Variants in MYOM1 observed in about 807,000 individuals in gnomAD.
MYOM1 encodes the protein myomesin 1, also known as myomesin-1.
Under a neutral mutation model 205.3 loss-of-function variants are expected in MYOM1, and 164 were observed. The ratio of observed to expected loss-of-function variants is 0.80; its 90% CI spans 0.70 to 0.91. The LOEUF (loss-of-function observed/expected upper bound fraction) is 0.91. Among genes scored for constraint, MYOM1 ranks in the 40% least tolerant of loss-of-function variants. The pLI, the probability that MYOM1 is intolerant of heterozygous loss-of-function variation, is 0.00. For synonymous variants in MYOM1, 772 were observed against 789.4 expected (o/e 0.98, Z 0.37); for missense variants, 2,011 against 2,127.3 (o/e 0.95, Z 1.08).
At chr18:3,073,751 G>C (rs926644327) in intron 36 of MYOM1, among the ~76,000 whole-genome samples, 7 of 152,204 alleles carry the variant, frequency 4.6e-5, no homozygotes, top group Non-Finnish European at 7.3e-5. Context: ...TGGGGGAATG[G>C]GGGGATCCAC....
intron 34 of MYOM1, among the ~76,000 whole-genome samples, chr18:3,076,461 C>T (rs537616627): frequency 1.6e-4 from 24 of 152,236 alleles, no homozygotes; most frequent in South Asian, 1.4e-3. Context: ...ATTAAATTAT[C>T]CCAGACATCA....
At chr18:3,160,390 G>A (rs1456826215) in intron 10 of MYOM1, among the ~76,000 whole-genome samples, 3 of 151,858 alleles carry the variant, frequency 2.0e-5, no homozygotes, top group African/African-American at 7.3e-5. Context: ...CTTGCTATGT[G>A]GCCCAGGCTG....
chr18:3,101,989 ATTTTTTT>A (rs35882298), intron 23 of MYOM1, among the ~76,000 whole-genome samples: 1 of 55,830 alleles, frequency 1.8e-5, no homozygotes, highest in African/African-American at 8.4e-5. Flanking sequence ...TCAGTCTGGG[ATTTTTTT>A]TTTTTTTTTT....
Position 3,135,856 on chromosome 18 carries a change from G to C in MYOM1, c.2026-126C>G. 9.9e-7 allele frequency: 1 copy of C among 1,014,006 alleles called. No individual in the cohort carries two copies. Among genetic ancestry groups the C allele is most frequent in the Non-Finnish European group, 1.4e-6 (1 of 697,768 alleles). The allele number at this position is 1,014,006 out of a possible 1,614,324, so 62.8% of individuals were successfully genotyped here. A position where few individuals can be genotyped will look rare whatever the true frequency, so the allele number is the denominator to read the frequency against. On this transcript the variant is annotated intron_variant, in intron 14 of 37. Coordinates refer to ENST00000356443, the MANE Select transcript of MYOM1 (RefSeq NM_003803.4). This position sits in a 1 kb window ranked among gnomAD's most constrained non-coding sequence, Gnocchi z 4.1. ...CTGTAATGCAAGCTGGACTGGAGGA[G>C]AGATGAGGAGGAAATAGGGGATGAG...
chr18:3,236,145 G>T, the MYOM1 span, among the ~76,000 whole-genome samples: 1 of 151,424 alleles, frequency 6.6e-6, no homozygotes, highest in African/African-American at 2.4e-5. Context: ...GCATAGTCAC[G>T]TAAGTAGAGG....
Position 3,151,867 on chromosome 18 carries a change from G to A in MYOM1, c.1670C>T (p.Ser557Leu), listed in dbSNP as rs138551719. Residue 557 changes from serine to leucine, a missense_variant, in exon 12 of 38, where the codon TCG becomes TTG. Coordinates refer to ENST00000356443, the MANE Select transcript of MYOM1 (RefSeq NM_003803.4). Reference sequence around the variant, plus strand: ...CTTCACAGGTGTGTCATTGCACTGCGACCAGCTATCTGTGCCCACCTCACA... The same window carrying A: ...CTTCACAGGTGTGTCATTGCACTGCAACCAGCTATCTGTGCCCACCTCACA... ...DKCEVGTDSW[S>L]QCNDTPVKFA... 51 of 1,612,826 alleles carry A rather than the reference G, an allele frequency of 3.2e-5. No individual in the cohort carries two copies. In the East Asian group the frequency reaches 9.4e-4, roughly 30 times the overall value.
chr18:3,151,980 T>C, intron 11 of MYOM1, 87 bp from the exon 12 acceptor site: 22 of 1,337,368 alleles, frequency 1.6e-5, no homozygotes, highest in Non-Finnish European at 2.2e-5. Flanking sequence ...CCCAGTTGTT[T>C]CAGATCTTCT....
At chr18:3,160,139 C>T (rs1408119098) in intron 10 of MYOM1, among the ~76,000 whole-genome samples, 1 of 150,254 alleles carries the variant, frequency 6.7e-6, no homozygotes, top group Non-Finnish European at 1.5e-5. Context: ...CCTCCTCCTT[C>T]CTTTCCCTTC....
intron 17 of MYOM1, 134 bp downstream of exon 17, chr18:3,131,239 CAG>C: frequency 1.0e-6 from 1 of 960,342 alleles, no homozygotes; most frequent in Non-Finnish European, 1.5e-6. Flanking sequence ...CACCTAGAGT[CAG>C]AGAAAATGAT....
At chr18:3,166,399 T>A (rs1253463424) in intron 9 of MYOM1, among the ~76,000 whole-genome samples, 2 of 151,760 alleles carry the variant, frequency 1.3e-5, no homozygotes, top group Non-Finnish European at 2.9e-5. Context: ...GCCTCCTGAG[T>A]AGCTGGGATT....
chr18:3,123,385 TA>T (rs1490269599), intron 19 of MYOM1, among the ~76,000 whole-genome samples: 1 of 152,056 alleles, frequency 6.6e-6, no homozygotes, highest in Non-Finnish European at 1.5e-5. Flanking sequence ...AAAACTGATA[TA>T]AAAATATACT....
chr18:3,134,949 T>G, intron 15 of MYOM1, 125 bp from the exon 16 acceptor site: 1 of 944,554 alleles, frequency 1.1e-6, no homozygotes, highest in African/African-American at 1.9e-5. Context: ...GCTGCTTTAT[T>G]TTACGATTTT....
At chr18:3,230,587 T>C in the MYOM1 span, among the ~76,000 whole-genome samples, 1 of 152,182 alleles carries the variant, frequency 6.6e-6, no homozygotes, top group Non-Finnish European at 1.5e-5. Flanking sequence ...GACCTTTGCA[T>C]AGGGTGTAAC....
intron 13 of MYOM1, among the ~76,000 whole-genome samples, chr18:3,145,627 A>G (rs1186604331): frequency 6.6e-6 from 1 of 152,174 alleles, no homozygotes; most frequent in Non-Finnish European, 1.5e-5. Context: ...AAATACAGCT[A>G]AAGGAGTACT....
At chr18:3,114,061 C>G (rs886529063) in intron 21 of MYOM1, among the ~76,000 whole-genome samples, 14 of 152,126 alleles carry the variant, frequency 9.2e-5, no homozygotes, top group African/African-American at 3.4e-4. Context: ...ATGTATAGAG[C>G]CTGACATATT....
intron 13 of MYOM1, among the ~76,000 whole-genome samples, chr18:3,147,956 T>G (rs2080154035): frequency 6.6e-6 from 1 of 152,150 alleles, no homozygotes; most frequent in Non-Finnish European, 1.5e-5. Context: ...ATGCCCAATG[T>G]CACAAAAACT....
At chr18:3,077,262 C>T (rs922352626) in intron 34 of MYOM1, among the ~76,000 whole-genome samples, 1 of 151,946 alleles carries the variant, frequency 6.6e-6, no homozygotes, top group East Asian at 1.9e-4. Context: ...CAATCGATCC[C>T]CCTGCCTCAG....
At position 3,079,270 on chromosome 18, in the gene MYOM1, G is replaced by A. The variant is rs369162357; in HGVS notation, c.4557C>T (p.Asn1519=). 3.8e-5 allele frequency: 62 copies of A among 1,613,772 alleles called. No homozygotes were observed. Among genetic ancestry groups the A allele is most frequent in the Middle Eastern group, 3.3e-4 (2 of 6,068 alleles). Residue 1519 remains asparagine, a synonymous_variant, in exon 34 of 38, where the codon AAC becomes AAT. Coordinates refer to ENST00000356443, the MANE Select transcript of MYOM1 (RefSeq NM_003803.4). ...TCCCTTTGTCATTCGGGGTGGGCTC[G>A]TTGATTTGTAGCCAGATCTGCTCTC... is the stretch of plus-strand genomic sequence containing the variant. ...VTGEQIWLQI[N]EPTPNDKGKY... is the part of the protein sequence containing the mutation.
intron 22 of MYOM1, among the ~76,000 whole-genome samples, chr18:3,104,743 A>ATC (rs2079428183): frequency 1.0e-5 from 1 of 98,644 alleles, no homozygotes; most frequent in Admixed American, 1.3e-4. Context: ...GGGAATTGGA[A>ATC]TCTTTTTTTT....
Sources: gnomAD v4.1 joint callset for allele counts (sites outside exome capture counted in the v4.1 genomes callset) on GRCh38, gnomAD v4.1.1 for gene constraint, Gnocchi (gnomAD v3.1) non-coding constraint, MANE v1.5 for transcripts, NCBI Gene and HGNC (gene_info 2026-07-23, HGNC 2026-07-21) for gene names.